NPHP1: variants seen among roughly 807,000 people sequenced by gnomAD.
NPHP1 encodes nephrocystin-1.
NPHP1 carries 70 observed loss-of-function variants against 90.4 expected under a neutral mutation model. The observed-to-expected ratio is 0.77, with a 90% confidence interval of 0.64 to 0.95. The LOEUF (loss-of-function observed/expected upper bound fraction) is 0.95, where lower values mean the gene tolerates loss of function less well. NPHP1 is among the 40% of genes least tolerant of loss of function. The pLI is 0.00. For missense variants in NPHP1, 764 were observed against 795.9 expected (o/e 0.96, Z 0.48); for synonymous variants, 256 against 271.7 (o/e 0.94, Z 0.57).
chr2:110,128,909 C>T (rs1381517004), intron 18 of NPHP1: 2 of 470,534 alleles, frequency 4.3e-6, no homozygotes, highest in South Asian at 2.8e-5. Context: ...GCTCTTAGGA[C>T]ACAATCAGTG....
At chr2:110,131,279 C>T (rs1198419184) in intron 17 of NPHP1, among the ~76,000 whole-genome samples, 1 of 152,084 alleles carries the variant, frequency 6.6e-6, no homozygotes, top group Non-Finnish European at 1.5e-5. Context: ...TAAACTAATC[C>T]ATTTGATACT....
rs149879941 is a variant in NPHP1 at position 110,176,309 on chromosome 2, T to C, written c.329+2114A>G. 2.5e-3 allele frequency among the ~76,000 whole-genome samples: 378 copies of C among 152,246 alleles called. 1 individual carries two copies. The highest frequency in any genetic ancestry group is 8.1e-3 in the African/African-American group (337 of 41,568). On this transcript the variant is annotated intron_variant, in intron 4 of 19. Coordinates refer to ENST00000445609, the MANE Select transcript of NPHP1 (RefSeq NM_001128178.3). ...TTTTAGTTATAGAATGTTCATTTGATTTTTCTATATTTGAATTAAATACAC... is the reference window on the plus strand; with the variant it reads ...TTTTAGTTATAGAATGTTCATTTGACTTTTCTATATTTGAATTAAATACAC...
At chr2:110,165,508 T>C (rs541148181) in intron 6 of NPHP1, among the ~76,000 whole-genome samples, 5 of 151,922 alleles carry the variant, frequency 3.3e-5, no homozygotes, top group Admixed American at 1.3e-4. Flanking sequence ...AAAAGAAACA[T>C]AAAAGCATTA....
intron 1 of NPHP1, 123 bp downstream of exon 1, chr2:110,204,777 G>A: frequency 1.1e-6 from 1 of 947,304 alleles, no homozygotes; most frequent in Non-Finnish European, 1.7e-6. Context: ...TTACAACCTG[G>A]GAAGGTAAGT....
intron 6 of NPHP1, among the ~76,000 whole-genome samples, chr2:110,166,420 C>T (rs577197323): frequency 1.8e-4 from 27 of 152,322 alleles, no homozygotes; most frequent in African/African-American, 5.1e-4. Context: ...TTGCAGCTAA[C>T]TGTTGCCAGA....
intron 18 of NPHP1, chr2:110,127,395 T>C (rs1318315588): frequency 6.6e-6 from 1 of 152,096 alleles, no homozygotes; most frequent in Non-Finnish European, 1.5e-5. Flanking sequence ...GGCTCATGGG[T>C]GTAGAAACAA....
chr2:110,175,771 G>A (rs1425735375), intron 4 of NPHP1, among the ~76,000 whole-genome samples: 1 of 151,036 alleles, frequency 6.6e-6, no homozygotes, highest in Non-Finnish European at 1.5e-5. Context: ...AATATTTTCA[G>A]TCACTATCTC....
intron 2 of NPHP1, among the ~76,000 whole-genome samples, chr2:110,201,163 G>A (rs758679134): frequency 7.2e-5 from 11 of 152,140 alleles, no homozygotes; most frequent in Non-Finnish European, 8.8e-5. Flanking sequence ...CCAGGTCACA[G>A]GATCTGGGCT....
At position 110,144,533 on chromosome 2, in the gene NPHP1, A is replaced by C. The variant is rs1215288938; in HGVS notation, c.1389T>G (p.Tyr463Ter). The change falls in exon 15 of 20, where the codon TAT becomes TAG. Residue 463 changes from tyrosine (Y) to a stop codon, truncating the protein, a stop_gained. Transcript: ENST00000445609. LOFTEE classifies it high-confidence loss of function. ...YELFLNGGTPYEKGIEVDPSI... is the reference protein window; with the variant it reads ...YELFLNGGTP The stretch of plus-strand genomic sequence containing the variant: ...AAGGGTCCACTTCAATACCTTTTTC[A>C]TAAGGAGTACCACCATTCAAGAAAA... 1 of 1,606,336 alleles carries C rather than the reference A, an allele frequency of 6.2e-7. No homozygotes were observed. The highest frequency in any genetic ancestry group is 8.5e-7 in the Non-Finnish European group (1 of 1,173,106).
intron 3 of NPHP1, chr2:110,179,057 T>C (rs1364373593): frequency 1.7e-4 from 26 of 156,164 alleles, no homozygotes; most frequent in Middle Eastern, 6.6e-3. Flanking sequence ...GGGAGTAATA[T>C]ACAGCTGGAG....
chr2:110,140,452 A>G (rs1680540316), intron 16 of NPHP1, among the ~76,000 whole-genome samples: 1 of 152,150 alleles, frequency 6.6e-6, no homozygotes, highest in African/African-American at 2.4e-5. Context: ...TAGAGCATTC[A>G]CTGCTTAAGA....
chr2:110,133,104 G>T (rs192313739), intron 16 of NPHP1, among the ~76,000 whole-genome samples: 47 of 152,004 alleles, frequency 3.1e-4, no homozygotes, highest in African/African-American at 1.1e-3. Context: ...TCAATCAAAA[G>T]ATACAGATTG....
At chr2:110,131,899 C>G (rs761563662) in intron 16 of NPHP1, 108 bp from the exon 17 acceptor site, 1 of 730,654 alleles carries the variant, frequency 1.4e-6, no homozygotes, top group African/African-American at 1.8e-5. Context: ...TGCTTCATTA[C>G]TGGAACACAT....
At chr2:110,128,975 C>A (rs2104427763) in intron 18 of NPHP1, 1 of 599,276 alleles carries the variant, frequency 1.7e-6, no homozygotes, top group East Asian at 2.8e-5. Context: ...ACATAGCAGG[C>A]ACTCCACCTG....
intron 3 of NPHP1, 136 bp from the exon 4 acceptor site, chr2:110,178,683 T>A: frequency 1.4e-6 from 1 of 711,616 alleles, no homozygotes; most frequent in South Asian, 2.2e-5. Flanking sequence ...CTTAGGGAAA[T>A]AAATTAGATT....
Position 110,165,066 on chromosome 2 carries a change from T to C in NPHP1, c.714A>G (p.Ala238=), listed in dbSNP as rs1682624063. 6.2e-7 allele frequency: 1 copy of C among 1,613,130 alleles called. No homozygotes were observed. The highest frequency in any genetic ancestry group is 8.5e-7 in the Non-Finnish European group (1 of 1,179,168). The change falls in exon 7 of 20, where the codon GCA becomes GCG. Residue 238 remains alanine (A), a synonymous_variant. Transcript: ENST00000445609. ...CACTTTTGTACCTTTGCTTAACTTC[T>C]GCTCCATCTGCTGTTTCATCCACCG... is the stretch of plus-strand genomic sequence containing the variant. ...VEAVDETADG[A]EVKQRTDPHW...
At chr2:110,178,728 C>A in intron 3 of NPHP1, 181 bp from the exon 4 acceptor site, 2 of 582,466 alleles carry the variant, frequency 3.4e-6, no homozygotes. Context: ...GAATGCAAAC[C>A]AAATGAAAAA....
intron 11 of NPHP1, 59 bp downstream of exon 11, chr2:110,160,068 C>G: frequency 1.3e-6 from 2 of 1,564,898 alleles, no homozygotes; most frequent in Non-Finnish European, 1.8e-6. Flanking sequence ...GGAAAAGAAT[C>G]TAAGGGAATG....
chr2:110,140,976 C>G (rs541146372), intron 16 of NPHP1, among the ~76,000 whole-genome samples: 1 of 152,264 alleles, frequency 6.6e-6, no homozygotes, highest in African/African-American at 2.4e-5. Context: ...AGGAGCATGC[C>G]AAGTCTTCAC....
Sources: allele counts gnomAD v4.1 joint callset (sites outside exome capture counted in the v4.1 genomes callset), GRCh38; gene constraint gnomAD v4.1.1; transcripts MANE v1.5; gene names NCBI Gene and HGNC (gene_info 2026-07-23, HGNC 2026-07-21).